Variants in SLF1 observed in about 807,000 individuals in gnomAD.
The protein encoded by SLF1 is SMC5-SMC6 complex localization factor protein 1.
Under a neutral mutation model 123.0 loss-of-function variants are expected in SLF1, and 105 were observed. The observed-to-expected ratio is 0.85, with a 90% confidence interval of 0.73 to 1.00. The LOEUF (loss-of-function observed/expected upper bound fraction) is 1.00. SLF1 is among the 50% of genes least tolerant of loss of function. The pLI is 0.00. For missense variants in SLF1, 1,239 were observed against 1,223.0 expected (o/e 1.01, Z -0.20); for synonymous variants, 434 against 406.6 (o/e 1.07, Z -0.81).
At chr5:94,680,547 A>T in intron 15 of SLF1, among the ~76,000 whole-genome samples, 1 of 152,222 alleles carries the variant, frequency 6.6e-6, no homozygotes, top group East Asian at 1.9e-4. Context: ...TCCTGTTTTC[A>T]TTCCTTAATG....
Position 94,688,554 on chromosome 5 carries a change from G to A in SLF1, c.2170G>A (p.Gly724Arg), listed in dbSNP as rs780415031. 1 of 1,614,058 alleles carries A rather than the reference G, an allele frequency of 6.2e-7. No homozygotes were observed. The highest frequency in any genetic ancestry group is 8.5e-7 in the Non-Finnish European group (1 of 1,179,980). Residue 724 changes from glycine to arginine, a missense_variant, in exon 17 of 21, where the codon GGA becomes AGA. Coordinates refer to ENST00000265140, the MANE Select transcript of SLF1 (RefSeq NM_032290.4). ...ALGKTGVLGS[G>R]KIQVSKKIGQ... ...GGGGAAAACTGGTGTGCTTGGGTCT[G>A]GAAAGATTCAGGTGTCAAAGAAAAT...
chr5:94,667,497 C>A (rs74763656), intron 12 of SLF1, among the ~76,000 whole-genome samples: 5 of 152,138 alleles, frequency 3.3e-5, no homozygotes, highest in South Asian at 4.1e-4. Flanking sequence ...AGTACCCCCC[C>A]ACAGTATGCT....
In SLF1 at chr5:94,663,754, A is replaced by G; in HGVS notation, c.1214A>G (p.Lys405Arg). The G allele has an allele frequency of 6.6e-7, 1 of 1,525,674 alleles. No individual in the cohort carries two copies. Among genetic ancestry groups the G allele is most frequent in the South Asian group, 1.3e-5 (1 of 77,808 alleles). 94.5% of individuals were successfully genotyped at this position (1,525,674 alleles called of 1,614,324 possible). ...ATAGAATCTTTCCTTTCTTAGGTTA[A>G]AAATGCTGAATTTCCCAGAGGTGTA... is the stretch of plus-strand genomic sequence containing the variant. ...DKQPVYNVEV[K>R]NAEFPRGVLN... The change falls in exon 11 of 21, where the codon AAA becomes AGA. Residue 405 changes from lysine (K) to arginine (R), a missense_variant. Coordinates refer to ENST00000265140, the MANE Select transcript of SLF1 (RefSeq NM_032290.4).
At chr5:94,685,744 A>G (rs1301815335) in intron 15 of SLF1, among the ~76,000 whole-genome samples, 2 of 151,904 alleles carry the variant, frequency 1.3e-5, no homozygotes, top group Non-Finnish European at 2.9e-5. Context: ...CTGAGGCAGG[A>G]GAATCGCTTG....
chr5:94,691,858 A>G (rs1398529565), intron 19 of SLF1, among the ~76,000 whole-genome samples: 3 of 152,086 alleles, frequency 2.0e-5, no homozygotes, highest in Non-Finnish European at 4.4e-5. Context: ...TGGTGTCCAT[A>G]TTTTGATAAT....
chr5:94,677,803 G>T (rs897562116), intron 14 of SLF1, among the ~76,000 whole-genome samples: 6 of 152,044 alleles, frequency 3.9e-5, no homozygotes, highest in Non-Finnish European at 8.8e-5. Flanking sequence ...TTAGAGATTA[G>T]AAAAATACTT....
chr5:94,687,383 G>A (rs6879307), intron 16 of SLF1, among the ~76,000 whole-genome samples: 1 of 151,974 alleles, frequency 6.6e-6, no homozygotes, highest in African/African-American at 2.4e-5. Flanking sequence ...AGGGGCAGTG[G>A]GGGGAAGGTA....
At chr5:94,656,856 G>T (rs997218372) in intron 9 of SLF1, among the ~76,000 whole-genome samples, 29 of 150,102 alleles carry the variant, frequency 1.9e-4, no homozygotes, top group Admixed American at 1.3e-3. Flanking sequence ...TTTATTTGGG[G>T]TTTTTTCTTT....
rs919376196 is a variant in SLF1 at position 94,665,722 on chromosome 5, C to T, written c.1369-139C>T. The T allele has an allele frequency of 6.5e-6, 5 of 764,002 alleles. No individual in the cohort carries two copies. In the Admixed American group the frequency reaches 1.5e-4, roughly 23 times the overall value. The allele number at this position is 764,002 out of a possible 1,614,324, so 47.3% of individuals were successfully genotyped here. On this transcript the variant is annotated intron_variant, in intron 11 of 20. Coordinates refer to ENST00000265140, the MANE Select transcript of SLF1 (RefSeq NM_032290.4). ...AAGCCAAGATCGTGCCACTGCACTC[C>T]AGCCTGGGTGACAGAGCCAGACTCC...
At chr5:94,665,570 GA>G (rs918311341) in intron 11 of SLF1, among the ~76,000 whole-genome samples, 45 of 152,170 alleles carry the variant, frequency 3.0e-4, no homozygotes, top group African/African-American at 1.0e-3. Flanking sequence ...CCAACATAGT[GA>G]AATCCCATCT....
At chr5:94,693,326 A>G (rs2152500005) in intron 20 of SLF1, among the ~76,000 whole-genome samples, 1 of 151,904 alleles carries the variant, frequency 6.6e-6, no homozygotes, top group Non-Finnish European at 1.5e-5. Flanking sequence ...TGTTTACTAA[A>G]CCATAAGTTC....
At chr5:94,648,035 A>G (rs1238179691) in intron 5 of SLF1, among the ~76,000 whole-genome samples, 1 of 152,160 alleles carries the variant, frequency 6.6e-6, no homozygotes, top group Non-Finnish European at 1.5e-5. Context: ...GAGAATGTAT[A>G]TGGGATTAAT....
rs1452142142 is a variant in SLF1, at chr5:94,628,809, A to G, written c.1-2A>G. Reference sequence around the variant, plus strand: ...TATCTTCTGTATGTTTGTATTTGTTAGATGGAAGATGGTACCCCAAAGCAT... The same window carrying G: ...TATCTTCTGTATGTTTGTATTTGTTGGATGGAAGATGGTACCCCAAAGCAT... On this transcript the variant is annotated splice_acceptor_variant, in intron 1 of 20. Coordinates refer to ENST00000265140, the MANE Select transcript of SLF1 (RefSeq NM_032290.4). LOFTEE classifies it low-confidence loss of function (5UTR_SPLICE). 10 of 1,524,902 alleles carry G rather than the reference A, an allele frequency of 6.6e-6. No homozygotes were observed. The Admixed American group carries it at 1.5e-4, about 23-fold the overall frequency. 94.5% of individuals were successfully genotyped at this position (1,524,902 alleles called of 1,614,324 possible).
In SLF1 at chr5:94,660,024, A is replaced by G. The variant is rs1334398197; in HGVS notation, c.1156-2274A>G. Among the ~76,000 whole-genome samples, 5 of 152,226 alleles carry G rather than the reference A, an allele frequency of 3.3e-5. No homozygotes were observed. In the South Asian group the frequency reaches 1.0e-3, roughly 32 times the overall value. ...TCAGCAGCAGCAGCTTGACATGCTC[A>G]TCCTTTGATCCCCCTAGTTGTTTGC... On this transcript the variant is annotated intron_variant, in intron 9 of 20. Transcript: ENST00000265140.
intron 4 of SLF1, among the ~76,000 whole-genome samples, chr5:94,640,169 G>A (rs976852258): frequency 8.6e-5 from 13 of 151,964 alleles, no homozygotes; most frequent in African/African-American, 3.1e-4. Context: ...CTTTTTAACA[G>A]TTCTTATAAT....
intron 4 of SLF1, among the ~76,000 whole-genome samples, chr5:94,641,134 T>A (rs1028359971): frequency 4.6e-5 from 7 of 152,186 alleles, no homozygotes; most frequent in Non-Finnish European, 8.8e-5. Flanking sequence ...ATTGAGTTAA[T>A]CTTGTCAGTT....
rs1438708777 is a variant in SLF1 at position 94,627,943 on chromosome 5, C to T, written c.1-868C>T. ...CTCCCGGGTTCAAGCGATTTTCCTG[C>T]CTCAGCCTCCCGAGTAGCTGGGATT... On this transcript the variant is annotated intron_variant, in intron 1 of 20. Transcript: ENST00000265140. 3.3e-5 allele frequency among the ~76,000 whole-genome samples: 5 copies of T among 150,772 alleles called. No homozygotes were observed. The South Asian group carries it at 8.4e-4, about 25-fold the overall frequency.
intron 14 of SLF1, among the ~76,000 whole-genome samples, chr5:94,674,046 G>A (rs983615323): frequency 1.4e-4 from 21 of 152,132 alleles, no homozygotes; most frequent in Admixed American, 6.5e-5. Flanking sequence ...ATTGCCAATT[G>A]AGTATAGCAC....
chr5:94,657,608 G>A (rs1228750918), intron 9 of SLF1, among the ~76,000 whole-genome samples: 2 of 151,912 alleles, frequency 1.3e-5, no homozygotes, highest in African/African-American at 2.4e-5. Flanking sequence ...TTTCTGTTTC[G>A]ATAATCTGTC....
Sources: allele counts gnomAD v4.1 joint callset (sites outside exome capture counted in the v4.1 genomes callset), GRCh38; gene constraint gnomAD v4.1.1; transcripts MANE v1.5; gene names NCBI Gene and HGNC (gene_info 2026-07-23, HGNC 2026-07-21).